Variants in BCAR3 observed in about 807,000 individuals in gnomAD.
BCAR3 encodes BCAR3 adaptor protein, NSP family member, also known as breast cancer anti-estrogen resistance protein 3.
In BCAR3, 37 loss-of-function variants were observed where a neutral mutation model predicts 80.1. The ratio of observed to expected loss-of-function variants is 0.46; its 90% confidence interval spans 0.36 to 0.61. The LOEUF is 0.61. BCAR3 is among the 20% of genes least tolerant of loss of function. BCAR3 has a pLI of 0.00. For synonymous variants in BCAR3, 389 were observed against 418.9 expected, an observed-to-expected ratio of 0.93 and a Z score of 0.87; for missense variants, 978 against 1,068.2, an observed-to-expected ratio of 0.92 and a Z score of 1.18.
At chr1:93,687,638 G>T (rs906296592) in intron 3 of BCAR3, among the ~76,000 whole-genome samples, 1 of 152,142 alleles carries the variant, frequency 6.6e-6, no homozygotes, top group Non-Finnish European at 1.5e-5. Flanking sequence ...GCAACCCTGG[G>T]TTCCTTTGCC....
At chr1:93,595,890 C>T (rs1001315077) in intron 3 of BCAR3, among the ~76,000 whole-genome samples, 4 of 152,258 alleles carry the variant, frequency 2.6e-5, no homozygotes, top group African/African-American at 9.6e-5. Flanking sequence ...TTCCCACATA[C>T]AACCTGAATT....
At chr1:93,720,740 A>T (rs925601724) in intron 2 of BCAR3, among the ~76,000 whole-genome samples, 10 of 152,212 alleles carry the variant, frequency 6.6e-5, no homozygotes, top group African/African-American at 2.2e-4. Context: ...AAGGAGGAGG[A>T]TGCTCCCCGG....
At chr1:93,785,144 CT>C (rs1557687756) in intron 2 of BCAR3, among the ~76,000 whole-genome samples, 1 of 152,144 alleles carries the variant, frequency 6.6e-6, no homozygotes, top group Non-Finnish European at 1.5e-5. Context: ...ACCTGATGGT[CT>C]CCCCAAATGA....
At chr1:93,667,581 G>C (rs558959503) in intron 2 of BCAR3, among the ~76,000 whole-genome samples, 3 of 152,292 alleles carry the variant, frequency 2.0e-5, no homozygotes, top group Admixed American at 1.3e-4. Flanking sequence ...CAGGCAAACT[G>C]GACCTACAGA....
chr1:93,608,100 A>T (rs1419906333), intron 3 of BCAR3, among the ~76,000 whole-genome samples: 1 of 152,222 alleles, frequency 6.6e-6, no homozygotes, highest in Non-Finnish European at 1.5e-5. Context: ...CTATTTTTGT[A>T]AAAGCACACA....
chr1:93,782,632 A>G (rs769133438), intron 2 of BCAR3, among the ~76,000 whole-genome samples: 13 of 152,188 alleles, frequency 8.5e-5, no homozygotes, highest in Non-Finnish European at 1.2e-4. Flanking sequence ...ACAGTGGAGG[A>G]TAAGGAAGGC....
At chr1:93,781,798 T>C (rs6541395) in intron 2 of BCAR3, among the ~76,000 whole-genome samples, 20,537 of 152,206 alleles carry the variant, frequency 0.13, 2,177 homozygotes, top group African/African-American at 0.28. Flanking sequence ...TTCTTACTTT[T>C]ACCTTCTCCC....
Position 93,613,912 on chromosome 1 carries a change from C to T in BCAR3, c.358-21519G>A, listed in dbSNP as rs1270337234. 3.2e-6 allele frequency: 5 copies of T among 1,550,440 alleles called. No homozygotes were observed. In the African/African-American group the frequency reaches 6.8e-5, roughly 21 times the overall value. ...AGAGCTGCTGAGAGGGCGTGGAAAG[C>T]ACTGCATTCCTTAGGCATCTTTCGG... On this transcript the variant is annotated intron_variant, in intron 3 of 11. Coordinates refer to ENST00000260502, the MANE Select transcript of BCAR3 (RefSeq NM_003567.4).
chr1:93,588,334 T>C (rs2101842397), intron 5 of BCAR3, among the ~76,000 whole-genome samples: 1 of 152,216 alleles, frequency 6.6e-6, no homozygotes, highest in Admixed American at 6.5e-5. Context: ...CCTACATCTC[T>C]TGACTCTCCC....
At chr1:93,844,703 CTTTT>C (rs11363783) in intron 2 of BCAR3, among the ~76,000 whole-genome samples, 2 of 140,464 alleles carry the variant, frequency 1.4e-5, no homozygotes, top group Admixed American at 7.1e-5. Flanking sequence ...TGACTTTCTT[CTTTT>C]TTTTTTTTTT....
chr1:93,842,587 G>A (rs1654998809), intron 2 of BCAR3, among the ~76,000 whole-genome samples: 1 of 152,186 alleles, frequency 6.6e-6, no homozygotes, highest in Non-Finnish European at 1.5e-5. Context: ...ATAGGATGCA[G>A]TAGTCTCCCT....
chr1:93,847,155 G>T (rs1655245718), upstream of BCAR3: 2 of 215,700 alleles, frequency 9.3e-6, no homozygotes, highest in South Asian at 1.2e-4. Context: ...CGGCTTAACG[G>T]TGCAACGGCT....
chr1:93,589,518 GCTA>G (rs2101845589), intron 4 of BCAR3, 99 bp from the exon 5 acceptor site: 1 of 1,011,126 alleles, frequency 9.9e-7, no homozygotes, highest in East Asian at 2.6e-5. Flanking sequence ...AGAAGACAAT[GCTA>G]CTATGTCTCT....
At chr1:93,564,143 A>C (rs979292119) in intron 11 of BCAR3, among the ~76,000 whole-genome samples, 5 of 151,974 alleles carry the variant, frequency 3.3e-5, no homozygotes, top group Non-Finnish European at 7.4e-5. Context: ...GTGTCTATTC[A>C]AATTTTTGTC....
chr1:93,722,581 C>T (rs1650441753), intron 2 of BCAR3, among the ~76,000 whole-genome samples: 1 of 152,146 alleles, frequency 6.6e-6, no homozygotes. Context: ...AACAACAATA[C>T]AACTTGCTTT....
chr1:93,660,263 G>A (rs1452184015), intron 2 of BCAR3, among the ~76,000 whole-genome samples: 1 of 152,194 alleles, frequency 6.6e-6, no homozygotes, highest in East Asian at 1.9e-4. Context: ...GATGGCCTCA[G>A]ACAGAACTCC....
At chr1:93,702,804 G>T (rs1381627336) in intron 3 of BCAR3, among the ~76,000 whole-genome samples, 1 of 152,346 alleles carries the variant, frequency 6.6e-6, no homozygotes, top group Non-Finnish European at 1.5e-5. Context: ...GGAAGGAGAC[G>T]ACTTGCTCCT....
At chr1:93,755,136 T>C (rs1410717488) in intron 2 of BCAR3, among the ~76,000 whole-genome samples, 2 of 151,894 alleles carry the variant, frequency 1.3e-5, no homozygotes, top group Non-Finnish European at 2.9e-5. Flanking sequence ...CAAATATGAA[T>C]ATAAAGAAAA....
At chr1:93,767,789 TAGAAGCAAGAGTA>T (rs1652206102) in intron 2 of BCAR3, among the ~76,000 whole-genome samples, 2 of 152,210 alleles carry the variant, frequency 1.3e-5, no homozygotes, top group African/African-American at 2.4e-5. Context: ...CCATTAGGAT[TAGAAGCAAGAGTA>T]TTCTCGGGGC....
Sources: gnomAD v4.1 joint callset for allele counts (sites outside exome capture counted in the v4.1 genomes callset) on GRCh38, gnomAD v4.1.1 for gene constraint, MANE v1.5 for transcripts, NCBI Gene and HGNC (gene_info 2026-07-23, HGNC 2026-07-21) for gene names.